The following BRD10 variants were observed in gnomAD, a reference collection of about 807,000 sequenced individuals.
The protein encoded by BRD10 is uncharacterized bromodomain-containing protein 10.
the BRD10 span, among the ~76,000 whole-genome samples, chr9:5,879,588 C>A: frequency 6.6e-6 from 1 of 152,176 alleles, no homozygotes; most frequent in Non-Finnish European, 1.5e-5. Flanking sequence ...ACCGCCCACA[C>A]TGGTCTGGTG....
the BRD10 span, among the ~76,000 whole-genome samples, chr9:5,936,526 ACTTTGTGCTCTCTATTTAGGCTC>A: frequency 5.8e-4 from 88 of 152,296 alleles, no homozygotes; most frequent in African/African-American, 1.9e-3. Context: ...CCACATGTGT[ACTTTGTGCTCTCTATTTAGGCTC>A]CTTTGTGCTC....
chr9:5,956,845 T>G, the BRD10 span, among the ~76,000 whole-genome samples: 2 of 152,140 alleles, frequency 1.3e-5, no homozygotes, highest in African/African-American at 4.8e-5. Flanking sequence ...CTGTAAATTA[T>G]TGGTGACAGA....
chr9:5,935,690 A>G, the BRD10 span, among the ~76,000 whole-genome samples: 4 of 152,364 alleles, frequency 2.6e-5, no homozygotes, highest in Middle Eastern at 0.01. Context: ...TTTATTTGGC[A>G]TAAGAGGGGC....
the BRD10 span, among the ~76,000 whole-genome samples, chr9:5,974,573 C>G: frequency 0.89 from 134,770 of 152,124 alleles, 60,749 homozygotes; most frequent in Non-Finnish European, 0.99. Flanking sequence ...GAGTACCCAG[C>G]TAAGGCCCAG....
the BRD10 span, among the ~76,000 whole-genome samples, chr9:6,006,613 T>A: frequency 6.6e-6 from 1 of 152,120 alleles, no homozygotes; most frequent in Non-Finnish European, 1.5e-5. Flanking sequence ...GTTGATGCAT[T>A]CCCTATTATT....
the BRD10 span, among the ~76,000 whole-genome samples, chr9:5,895,019 T>C: frequency 3.9e-5 from 6 of 152,298 alleles, no homozygotes; most frequent in East Asian, 1.2e-3. Flanking sequence ...TCTGACATTT[T>C]CCTTGAGAAC....
the BRD10 span, among the ~76,000 whole-genome samples, chr9:5,956,253 T>C: frequency 2.0e-5 from 3 of 152,280 alleles, no homozygotes; most frequent in South Asian, 4.1e-4. Flanking sequence ...CAGTTAACTC[T>C]AGCAGCTACT....
chr9:5,959,579 A>T, the BRD10 span, among the ~76,000 whole-genome samples: 3 of 152,160 alleles, frequency 2.0e-5, no homozygotes, highest in Admixed American at 2.0e-4. Flanking sequence ...GAGTATAGTA[A>T]ATCCTTTCAC....
At chr9:5,920,480 G>A in the BRD10 span, 2 of 1,613,984 alleles carry the variant, frequency 1.2e-6, no homozygotes, top group East Asian at 2.2e-5. Flanking sequence ...ACTGTAACTG[G>A]GGGTTTTTAC....
At chr9:6,006,082 G>C in the BRD10 span, among the ~76,000 whole-genome samples, 1 of 152,192 alleles carries the variant, frequency 6.6e-6, no homozygotes, top group Non-Finnish European at 1.5e-5. Flanking sequence ...TATTCTGTAA[G>C]AGCACAAGTA....
chr9:6,002,243 A>G, the BRD10 span, among the ~76,000 whole-genome samples: 1 of 152,218 alleles, frequency 6.6e-6, no homozygotes, highest in African/African-American at 2.4e-5. Flanking sequence ...TGTCTTGTTA[A>G]TTGAACTCTT....
the BRD10 span, among the ~76,000 whole-genome samples, chr9:5,879,813 G>C: frequency 6.6e-6 from 1 of 152,118 alleles, no homozygotes; most frequent in African/African-American, 2.4e-5. Flanking sequence ...GGATTTATCC[G>C]ACCTCTGACT....
At chr9:5,968,674 T>G in the BRD10 span, 1 of 1,613,838 alleles carries the variant, frequency 6.2e-7, no homozygotes, top group East Asian at 2.2e-5. Flanking sequence ...CTCCATTACT[T>G]GTACTAACAT....
At chr9:5,897,551 G>A in the BRD10 span, 8 of 1,613,462 alleles carry the variant, frequency 5.0e-6, no homozygotes, top group African/African-American at 1.1e-4. Flanking sequence ...CTATCTCTTG[G>A]GCCAGGGCCG....
the BRD10 span, among the ~76,000 whole-genome samples, chr9:5,905,753 T>A: frequency 9.2e-5 from 14 of 152,234 alleles, no homozygotes; most frequent in Admixed American, 1.3e-4. Flanking sequence ...ACCTTCCGTG[T>A]ATTGATTTAT....
At chr9:5,987,250 T>C in the BRD10 span, among the ~76,000 whole-genome samples, 1 of 152,236 alleles carries the variant, frequency 6.6e-6, no homozygotes, top group East Asian at 1.9e-4. Context: ...TCCTTTGTTC[T>C]CCCTATACCA....
chr9:5,980,572 G>A, the BRD10 span, among the ~76,000 whole-genome samples: 1 of 151,782 alleles, frequency 6.6e-6, no homozygotes, highest in Non-Finnish European at 1.5e-5. Context: ...AATGGAATAG[G>A]TAACAAATTA....
At chr9:5,961,454 A>AT in the BRD10 span, among the ~76,000 whole-genome samples, 5 of 151,742 alleles carry the variant, frequency 3.3e-5, no homozygotes, top group African/African-American at 4.8e-5. Flanking sequence ...AATGATCTGA[A>AT]TTTTTTTTGC....
the BRD10 span, chr9:5,921,895 T>C: frequency 6.2e-7 from 1 of 1,613,848 alleles, no homozygotes; most frequent in African/African-American, 1.3e-5. Flanking sequence ...GTTTGAGATT[T>C]TTCCCCATGG....
Sources: allele counts gnomAD v4.1 joint callset (sites outside exome capture counted in the v4.1 genomes callset), GRCh38; gene constraint gnomAD v4.1.1; transcripts MANE v1.5; gene names NCBI Gene and HGNC (gene_info 2026-07-23, HGNC 2026-07-21).